The following TSGA10 variants were observed in gnomAD, a reference collection of about 807,000 sequenced individuals.
TSGA10 encodes testis specific 10.
TSGA10 carries 43 observed loss-of-function variants against 96.6 expected under a neutral mutation model. The ratio of observed to expected loss-of-function variants is 0.44; its 90% CI spans 0.35 to 0.57. The LOEUF is 0.57. Ranked by LOEUF, TSGA10 falls within the 20% of genes least tolerant of loss-of-function variation. The probability of loss-of-function intolerance (pLI) is 0.01; values close to 1 mark genes in which losing one functional copy is unlikely to be tolerated. For synonymous variants in TSGA10, 229 were observed against 269.9 expected, an observed-to-expected ratio of 0.85 and a Z score of 1.48; for missense variants, 703 against 834.4, an observed-to-expected ratio of 0.84 and a Z score of 1.94.
rs1411852993 is a variant in TSGA10 at position 99,154,910 on chromosome 2, C to T, written c.-838G>A. 1 of 433,108 alleles carries T rather than the reference C, an allele frequency of 2.3e-6. No individual in the cohort carries two copies. Among genetic ancestry groups the T allele is most frequent in the African/African-American group, 2.0e-5 (1 of 49,436 alleles). 26.8% of individuals were successfully genotyped at this position (433,108 alleles called of 1,614,324 possible). A position where few individuals can be genotyped will look rare whatever the true frequency, so the allele number is the denominator to read the frequency against. ...GACTAGGCGCGATCCCTGCGCGCCC[C>T]TCCTTCTCTTGCGCTTCAGGGGGCC... On this transcript the variant is annotated 5_prime_UTR_variant, in exon 1 of 21. Transcript: ENST00000393483.
At chr2:99,021,817 G>A (rs1222082088) in intron 17 of TSGA10, among the ~76,000 whole-genome samples, 1 of 152,126 alleles carries the variant, frequency 6.6e-6, no homozygotes, top group Non-Finnish European at 1.5e-5. Flanking sequence ...GTCTATTCTA[G>A]TCTATCGCAA....
At chr2:99,063,628 C>T (rs532069061) in intron 16 of TSGA10, among the ~76,000 whole-genome samples, 1 of 151,756 alleles carries the variant, frequency 6.6e-6, no homozygotes, top group Non-Finnish European at 1.5e-5. Context: ...CATGGTGAAA[C>T]CCCATCTCTA....
chr2:99,060,132 G>C (rs1467914102), intron 16 of TSGA10, among the ~76,000 whole-genome samples: 1 of 152,096 alleles, frequency 6.6e-6, no homozygotes, highest in East Asian at 1.9e-4. Flanking sequence ...ATACATTTAA[G>C]TCATAATTGC....
intron 2 of TSGA10, among the ~76,000 whole-genome samples, chr2:99,123,162 G>A (rs1319130080): frequency 6.6e-6 from 1 of 152,042 alleles, no homozygotes; most frequent in East Asian, 1.9e-4. Flanking sequence ...ATAATGCATG[G>A]TTTCTCTCTG....
rs529463437 is a variant in TSGA10 at position 99,143,912 on chromosome 2, G to A, written c.-621+10781C>T. Among the ~76,000 whole-genome samples, 4 of 151,760 alleles carry A rather than the reference G, an allele frequency of 2.6e-5. No homozygotes were observed. In the South Asian group the frequency reaches 8.3e-4, roughly 32 times the overall value. On this transcript the variant is annotated intron_variant, in intron 1 of 20. Transcript: ENST00000393483. ...CTCTGTTATTACTATTTTTTGTTTT[G>A]TTTTCACTGTCCTCTTCCTGATCCC...
chr2:99,056,815 T>TC (rs1553453080), intron 16 of TSGA10, among the ~76,000 whole-genome samples: 1 of 61,970 alleles, frequency 1.6e-5, no homozygotes, highest in Non-Finnish European at 3.4e-5. Context: ...ACAAAATCCT[T>TC]CAAAAAAAAA....
chr2:99,064,983 T>C lies in TSGA10; in HGVS notation c.1360A>G (p.Arg454Gly), dbSNP rs1443277347. 1 of 1,608,924 alleles carries C rather than the reference T, an allele frequency of 6.2e-7. No individual in the cohort carries two copies. The highest frequency in any genetic ancestry group is 1.3e-5 in the African/African-American group (1 of 74,830). Residue 454 changes from arginine (R) to glycine (G), a missense_variant, in exon 16 of 21, where the codon AGA (arginine) becomes GGA (glycine). Coordinates refer to ENST00000393483, the MANE Select transcript of TSGA10 (RefSeq NM_025244.4). ...ELITAEAEGN[R>G]LKEKVDSLNR... The stretch of plus-strand genomic sequence containing the variant: ...AGGGAATCTACTTTTTCTTTTAATC[T>C]GTTACCCTCTGCCTCAGCAGTGATA...
chr2:99,001,757 C>A (rs951030391), intron 20 of TSGA10, among the ~76,000 whole-genome samples: 1 of 152,106 alleles, frequency 6.6e-6, no homozygotes, highest in African/African-American at 2.4e-5. Context: ...AGACGAATGG[C>A]TAACTAGAAT....
intron 20 of TSGA10, among the ~76,000 whole-genome samples, chr2:99,008,893 T>G (rs1289342417): frequency 6.6e-6 from 1 of 152,098 alleles, no homozygotes; most frequent in Non-Finnish European, 1.5e-5. Flanking sequence ...TTCCAGGAGA[T>G]AGTGTTAAGT....
intron 1 of TSGA10, among the ~76,000 whole-genome samples, chr2:99,144,906 G>A (rs1412716708): frequency 3.9e-5 from 6 of 152,172 alleles, no homozygotes; most frequent in East Asian, 1.9e-4. Flanking sequence ...TAGGTCTGGG[G>A]TCGAATAAGG....
intron 20 of TSGA10, among the ~76,000 whole-genome samples, chr2:99,003,652 A>C (rs1191038007): frequency 6.6e-6 from 1 of 152,198 alleles, no homozygotes; most frequent in Non-Finnish European, 1.5e-5. Flanking sequence ...TAAGAAACTG[A>C]CTCAGAACTG....
intron 1 of TSGA10, among the ~76,000 whole-genome samples, chr2:99,127,932 A>T (rs1256315694): frequency 2.2e-4 from 34 of 152,224 alleles, no homozygotes. Context: ...GCAAAATAAC[A>T]AATGTTAGAG....
chr2:99,143,448 T>G (rs962425600), intron 1 of TSGA10, among the ~76,000 whole-genome samples: 3 of 150,726 alleles, frequency 2.0e-5, no homozygotes, highest in African/African-American at 4.9e-5. Context: ...TGTGAGCCAC[T>G]GCGCCCAGAC....
At chr2:99,097,252 T>C (rs1018469050) in intron 10 of TSGA10, among the ~76,000 whole-genome samples, 2 of 151,996 alleles carry the variant, frequency 1.3e-5, no homozygotes. Context: ...AAAACTTAAA[T>C]TCAGACAAAA....
At chr2:99,152,341 C>T (rs2093701460) in intron 1 of TSGA10, among the ~76,000 whole-genome samples, 1 of 152,186 alleles carries the variant, frequency 6.6e-6, no homozygotes, top group Non-Finnish European at 1.5e-5. Flanking sequence ...GGCTGGAGTG[C>T]AGTGGAGCGA....
At position 99,103,993 on chromosome 2, in the gene TSGA10, T is replaced by C. The variant is rs770267396; in HGVS notation, c.585A>G (p.Arg195=). 11 of 1,614,154 alleles carry C rather than the reference T, an allele frequency of 6.8e-6. No individual in the cohort carries two copies. The highest frequency in any genetic ancestry group is 9.3e-6 in the Non-Finnish European group (11 of 1,179,998). The change falls in exon 10 of 21, where the codon AGA becomes AGG. Residue 195 remains arginine (R), a synonymous_variant. Coordinates refer to ENST00000393483, the MANE Select transcript of TSGA10 (RefSeq NM_025244.4). Reference sequence around the variant, plus strand: ...TCAAAGAATTATTCTCTGCTTTTTGTCTGCCAAGTTCACTTTCGGTATCCA... The same window carrying C: ...TCAAAGAATTATTCTCTGCTTTTTGCCTGCCAAGTTCACTTTCGGTATCCA... ...KAMDTESELG[R]QKAENNSLRL...
chr2:99,039,983 T>C (rs2082036742), intron 16 of TSGA10, among the ~76,000 whole-genome samples: 1 of 152,118 alleles, frequency 6.6e-6, no homozygotes, highest in Admixed American at 6.6e-5. Context: ...AGTCAATAAA[T>C]ATGATAGACC....
rs1264738388 is a variant in TSGA10 at position 99,141,118 on chromosome 2, C to T, written c.-621+13575G>A. 3.9e-6 allele frequency: 5 copies of T among 1,284,660 alleles called. No individual in the cohort carries two copies. The Middle Eastern group carries it at 6.4e-4, about 165-fold the overall frequency. 79.6% of individuals were successfully genotyped at this position (1,284,660 alleles called of 1,614,324 possible). A position where few individuals can be genotyped will look rare whatever the true frequency, so the allele number is the denominator to read the frequency against. On this transcript the variant is annotated intron_variant, in intron 1 of 20. Coordinates refer to ENST00000393483, the MANE Select transcript of TSGA10 (RefSeq NM_025244.4). ...GGGTCCCTCCCCGGGCTCCTCGGCC[C>T]GCCGTCCTGCCCAGAGCTCATCCCC...
intron 1 of TSGA10, among the ~76,000 whole-genome samples, chr2:99,143,133 C>CTTTT (rs10605521): frequency 4.9e-5 from 4 of 82,154 alleles, no homozygotes; most frequent in Non-Finnish European, 6.9e-5. Flanking sequence ...CCAACTAAAC[C>CTTTT]TTTTTTTTTT....
Sources: gnomAD v4.1 joint callset for allele counts (sites outside exome capture counted in the v4.1 genomes callset) on GRCh38, gnomAD v4.1.1 for gene constraint, MANE v1.5 for transcripts, NCBI Gene and HGNC (gene_info 2026-07-23, HGNC 2026-07-21) for gene names.